KCNMA1: variants seen among roughly 807,000 people sequenced by gnomAD.
KCNMA1 encodes the protein potassium calcium-activated channel subfamily M alpha 1, also known as Calcium-activated potassium channel subunit alpha-1.
KCNMA1 carries 29 observed loss-of-function variants against 140.0 expected under a neutral mutation model. The ratio of observed to expected loss-of-function variants is 0.21; its 90% CI spans 0.15 to 0.28. The LOEUF (loss-of-function observed/expected upper bound fraction) is 0.28. KCNMA1 is among the 10% of genes least tolerant of loss of function. KCNMA1 has a pLI of 1.00. For missense variants in KCNMA1, 880 were observed against 1,602.2 expected (o/e 0.55, Z 7.70); for synonymous variants, 612 against 611.9 (o/e 1.00, Z 0.00).
downstream of KCNMA1, chr10:76,877,144 AT>A (rs2032538593): frequency 6.5e-6 from 1 of 152,750 alleles, no homozygotes; most frequent in Non-Finnish European, 1.5e-5. Flanking sequence ...GTGAAAATAA[AT>A]AAGTTTCCAT....
downstream of KCNMA1, chr10:76,875,693 G>C (rs886241499): frequency 6.6e-6 from 1 of 152,248 alleles, no homozygotes; most frequent in African/African-American, 2.4e-5. Context: ...ACGAAGGAAA[G>C]AAGAGCGTGG....
intron 10 of KCNMA1, among the ~76,000 whole-genome samples, chr10:77,086,821 T>C (rs1566008504): frequency 6.6e-6 from 1 of 152,226 alleles, no homozygotes; most frequent in Admixed American, 6.5e-5. Context: ...TCATGGGCTT[T>C]AGGAAGGCCA....
At chr10:77,030,689 A>G (rs571060921) in intron 15 of KCNMA1, among the ~76,000 whole-genome samples, 22 of 152,320 alleles carry the variant, frequency 1.4e-4, no homozygotes, top group African/African-American at 4.6e-4. Flanking sequence ...CCAACTGGAT[A>G]TAAAAAGAAA....
Position 77,112,927 on chromosome 10 carries a change from T to C in KCNMA1, c.885-485A>G, listed in dbSNP as rs576903042. Among the ~76,000 whole-genome samples, 6 of 152,034 alleles carry C rather than the reference T, an allele frequency of 3.9e-5. No individual in the cohort carries two copies. The East Asian group carries it at 9.7e-4, about 24-fold the overall frequency. Reference sequence around the variant, plus strand: ...AGCCCTAAATACTTTAGCACCCAACTCCTAAGAAGAAGGGCATTGCACAGC... The same window carrying C: ...AGCCCTAAATACTTTAGCACCCAACCCCTAAGAAGAAGGGCATTGCACAGC... On this transcript the variant is annotated intron_variant, in intron 6 of 27. Transcript: ENST00000286628.
chr10:77,070,213 A>C (rs1185696048), intron 14 of KCNMA1, among the ~76,000 whole-genome samples: 1 of 152,018 alleles, frequency 6.6e-6, no homozygotes, highest in Non-Finnish European at 1.5e-5. Flanking sequence ...AGTGGCTCAC[A>C]CCTATATAAT....
chr10:76,886,444 T>C lies in KCNMA1; in HGVS notation c.*822A>G, dbSNP rs2036987844. 1.0e-6 allele frequency: 1 copy of C among 984,874 alleles called. No individual in the cohort carries two copies. The highest frequency in any genetic ancestry group is 1.2e-6 in the Non-Finnish European group (1 of 829,532). 61.0% of individuals were successfully genotyped at this position (984,874 alleles called of 1,614,324 possible). A position where few individuals can be genotyped will look rare whatever the true frequency, so the allele number is the denominator to read the frequency against. ...AATGTCAAAAGTGAAAGAAAAAAAA[T>C]AGCTATTCATATGGCAACATAAGGA... On this transcript the variant is annotated 3_prime_UTR_variant, in exon 28 of 28. Coordinates refer to ENST00000286628, the MANE Select transcript of KCNMA1 (RefSeq NM_001161352.2).
At chr10:77,460,223 G>A (rs2097840287) in intron 1 of KCNMA1, among the ~76,000 whole-genome samples, 1 of 152,176 alleles carries the variant, frequency 6.6e-6, no homozygotes, top group Non-Finnish European at 1.5e-5. Context: ...GATAAAGTCT[G>A]CTGCGCTCTC....
chr10:77,240,572 C>T (rs2057015188), intron 3 of KCNMA1, among the ~76,000 whole-genome samples: 1 of 152,180 alleles, frequency 6.6e-6, no homozygotes, highest in African/African-American at 2.4e-5. Flanking sequence ...ATCTGGCCTG[C>T]AGAGGTGTTT....
rs1566177733 is a variant in KCNMA1, at chr10:77,352,650, T to TGTGTGTG, written c.540+51211_540+51212insCACACAC. On this transcript the variant is annotated intron_variant, in intron 2 of 27. Transcript: ENST00000286628. ...TGTGTGTGTGTGTGTGTGTGTGTGT[T>TGTGTGTG]TGTGTGTGTGTGTTAACAAAACAAA... is the stretch of plus-strand genomic sequence containing the variant. Among the ~76,000 whole-genome samples, 192 of 137,066 alleles carry TGTGTGTG rather than the reference T, an allele frequency of 1.4e-3. 1 individual carries two copies. Among genetic ancestry groups the TGTGTGTG allele is most frequent in the Non-Finnish European group, 2.6e-3 (157 of 60,074 alleles). The allele number at this position is 137,066 out of a possible 152,430, so 89.9% of individuals were successfully genotyped here.
intron 1 of KCNMA1, chr10:77,635,593 A>C (rs1043910158): frequency 6.6e-6 from 1 of 152,242 alleles, no homozygotes. Flanking sequence ...CTCCAGGAAT[A>C]AGCTGTTCTC....
intron 24 of KCNMA1, 29 bp downstream of exon 24, chr10:76,914,907 C>A: frequency 6.7e-7 from 1 of 1,488,356 alleles, no homozygotes; most frequent in Non-Finnish European, 9.4e-7. Context: ...AGAACAAAAA[C>A]TCCCCCCAAA....
At chr10:76,979,271 A>G (rs1053726386) in intron 19 of KCNMA1, among the ~76,000 whole-genome samples, 3 of 152,192 alleles carry the variant, frequency 2.0e-5, no homozygotes, top group Non-Finnish European at 4.4e-5. Flanking sequence ...TGGAGAAAAG[A>G]TCATGCTGCC....
At chr10:77,314,765 A>G (rs2080295740) in intron 2 of KCNMA1, among the ~76,000 whole-genome samples, 1 of 152,100 alleles carries the variant, frequency 6.6e-6, no homozygotes, top group Non-Finnish European at 1.5e-5. Context: ...TATCTGTTCA[A>G]AAGCCTGCAT....
At chr10:77,338,044 T>C (rs753052881) in intron 2 of KCNMA1, among the ~76,000 whole-genome samples, 1 of 152,224 alleles carries the variant, frequency 6.6e-6, no homozygotes, top group Non-Finnish European at 1.5e-5. Context: ...CCATTTGTTA[T>C]TGGCGCCTCT....
chr10:77,159,940 C>G (rs2098537152), intron 5 of KCNMA1, among the ~76,000 whole-genome samples: 1 of 152,186 alleles, frequency 6.6e-6, no homozygotes, highest in African/African-American at 2.4e-5. Flanking sequence ...CTTTTAGTAA[C>G]TTCAGTAAGA....
intron 4 of KCNMA1, among the ~76,000 whole-genome samples, chr10:77,183,821 C>T (rs768906408): frequency 6.6e-6 from 1 of 151,772 alleles, no homozygotes; most frequent in Non-Finnish European, 1.5e-5. Flanking sequence ...TGGAGGGAGA[C>T]ATTATGTCCT....
chr10:76,929,940 G>T (rs2058842219), intron 23 of KCNMA1: 2 of 152,018 alleles, frequency 1.3e-5, no homozygotes, highest in Admixed American at 1.3e-4. Flanking sequence ...ACATGCAAAA[G>T]AATAAATCTG....
chr10:77,489,682 T>C (rs917797467), intron 1 of KCNMA1, among the ~76,000 whole-genome samples: 3 of 152,248 alleles, frequency 2.0e-5, no homozygotes, highest in Admixed American at 6.5e-5. Context: ...ATCCTTACTC[T>C]ATCAGCAAGC....
At chr10:77,456,334 G>A (rs2097762099) in intron 1 of KCNMA1, among the ~76,000 whole-genome samples, 1 of 152,146 alleles carries the variant, frequency 6.6e-6, no homozygotes, top group Non-Finnish European at 1.5e-5. Context: ...ATGTCAGCTT[G>A]CACAGGACCT....
Sources: gnomAD v4.1 joint callset for allele counts (sites outside exome capture counted in the v4.1 genomes callset) on GRCh38, gnomAD v4.1.1 for gene constraint, MANE v1.5 for transcripts, NCBI Gene and HGNC (gene_info 2026-07-23, HGNC 2026-07-21) for gene names.